The following PIK3CD variants were observed in gnomAD, a reference collection of about 807,000 sequenced individuals.
PIK3CD encodes the protein phosphatidylinositol-4,5-bisphosphate 3-kinase catalytic subunit delta.
A neutral mutation model predicts 122.9 loss-of-function variants in PIK3CD; 20 were observed. The ratio of observed to expected loss-of-function variants is 0.16; its 90% CI spans 0.11 to 0.24. The LOEUF (loss-of-function observed/expected upper bound fraction) is 0.24. Among genes scored for constraint, PIK3CD ranks in the 10% least tolerant of loss-of-function variants. The probability of loss-of-function intolerance (pLI) is 1.00; values close to 1 mark genes in which losing one functional copy is unlikely to be tolerated. For missense variants in PIK3CD, 787 were observed against 1,406.3 expected (o/e 0.56, Z 7.04); for synonymous variants, 596 against 593.4 (o/e 1.00, Z -0.06).
At position 9,710,842 on chromosome 1, in the gene PIK3CD, A is replaced by G. The variant is rs928083649; in HGVS notation, c.141+246A>G. Among the ~76,000 whole-genome samples, 10 of 152,194 alleles carry G rather than the reference A, an allele frequency of 6.6e-5. No individual in the cohort carries two copies. Among genetic ancestry groups the G allele is most frequent in the Non-Finnish European group, 1.3e-4 (9 of 67,990 alleles). Reference sequence around the variant, plus strand: ...CTCTTATTGCCCAGGCTGGTGTGCAATGGCGCAATCTCGGCTCACTGCAAC... The same window carrying G: ...CTCTTATTGCCCAGGCTGGTGTGCAGTGGCGCAATCTCGGCTCACTGCAAC... On this transcript the variant is annotated intron_variant, in intron 3 of 23. Coordinates refer to ENST00000377346, the MANE Select transcript of PIK3CD (RefSeq NM_005026.5). This position sits in a 1 kb window ranked among gnomAD's most constrained non-coding sequence, Gnocchi z 4.7.
intron 2 of PIK3CD, among the ~76,000 whole-genome samples, chr1:9,694,855 G>A (rs1354817142): frequency 6.6e-6 from 1 of 152,018 alleles, no homozygotes; most frequent in Admixed American, 6.6e-5. Context: ...CCAGCTACTT[G>A]GGAGGCTGAG....
intron 2 of PIK3CD, among the ~76,000 whole-genome samples, chr1:9,708,475 C>T (rs910716472): frequency 6.6e-6 from 1 of 152,162 alleles, no homozygotes; most frequent in Non-Finnish European, 1.5e-5. Flanking sequence ...GCCACCATGC[C>T]TGACCATGCG....
intron 1 of PIK3CD, among the ~76,000 whole-genome samples, chr1:9,662,096 C>T (rs959402345): frequency 2.5e-4 from 38 of 152,058 alleles, no homozygotes; most frequent in African/African-American, 8.0e-4. Context: ...ACCAGGGAGG[C>T]GGAGGTTGCA....
chr1:9,633,958 A>G, the PIK3CD span, among the ~76,000 whole-genome samples: 1 of 151,802 alleles, frequency 6.6e-6, no homozygotes, highest in Non-Finnish European at 1.5e-5. Context: ...TCCAGTTACT[A>G]GGCTCACAGA....
At chr1:9,707,061 C>T (rs1474418622) in intron 2 of PIK3CD, among the ~76,000 whole-genome samples, 2 of 151,300 alleles carry the variant, frequency 1.3e-5, no homozygotes, top group African/African-American at 2.4e-5. Flanking sequence ...GATCCTCCTA[C>T]CTTGGCCTCC....
chr1:9,628,330 C>T, the PIK3CD span, among the ~76,000 whole-genome samples: 6 of 152,168 alleles, frequency 3.9e-5, no homozygotes, highest in Non-Finnish European at 5.9e-5. Context: ...ATACTCTTAG[C>T]GCAGAAACAT....
Position 9,669,938 on chromosome 1 carries a change from C to T in PIK3CD, c.-138+18136C>T, listed in dbSNP as rs545359430. Among the ~76,000 whole-genome samples the T allele has an allele frequency of 4.5e-4, 69 of 152,152 alleles. 1 individual carries two copies. The Middle Eastern group carries it at 0.017, about 38-fold the overall frequency. On this transcript the variant is annotated intron_variant, in intron 1 of 23. Coordinates refer to ENST00000377346, the MANE Select transcript of PIK3CD (RefSeq NM_005026.5). ...CCTGTAATCCCAACACTTTGGGAGG[C>T]CAAAGCAGGTGGATTACCTGAGATC... is the stretch of plus-strand genomic sequence containing the variant.
intron 1 of PIK3CD, among the ~76,000 whole-genome samples, chr1:9,656,262 G>A (rs1453281383): frequency 6.6e-6 from 1 of 152,148 alleles, no homozygotes; most frequent in African/African-American, 2.4e-5. Flanking sequence ...ACCAGAAATG[G>A]GGTGGAGTTT....
In PIK3CD at chr1:9,691,897, T is replaced by C. The variant is rs1399733821; in HGVS notation, c.-33+326T>C. The stretch of plus-strand genomic sequence containing the variant: ...TTGACTCACACTGGCCACGGTAGCG[T>C]TGGACTCGCCTGACTGGGGAGAGAA... On this transcript the variant is annotated intron_variant, in intron 2 of 23. Coordinates refer to ENST00000377346, the MANE Select transcript of PIK3CD (RefSeq NM_005026.5). 5.8e-5 allele frequency: 13 copies of C among 225,940 alleles called. 1 individual carries two copies. The highest frequency in any genetic ancestry group is 1.8e-4 in the African/African-American group (8 of 44,194). 14.0% of individuals were successfully genotyped at this position (225,940 alleles called of 1,614,324 possible).
intron 1 of PIK3CD, among the ~76,000 whole-genome samples, chr1:9,671,346 A>G (rs921430805): frequency 6.6e-6 from 1 of 151,436 alleles, no homozygotes; most frequent in Non-Finnish European, 1.5e-5. Context: ...AGATCCACCC[A>G]CCTTGGCCTT....
the PIK3CD span, among the ~76,000 whole-genome samples, chr1:9,646,212 T>C: frequency 6.6e-6 from 1 of 152,164 alleles, no homozygotes; most frequent in African/African-American, 2.4e-5. Flanking sequence ...GAGCCTCAGT[T>C]TTCTCATCCG....
intron 2 of PIK3CD, among the ~76,000 whole-genome samples, chr1:9,697,142 T>TG (rs1379867349): frequency 2.0e-5 from 3 of 150,032 alleles, no homozygotes; most frequent in African/African-American, 7.4e-5. Context: ...GAGGCTAATG[T>TG]GGGGGGATCA....
At chr1:9,651,196 G>C (rs1018031071), upstream of PIK3CD, among the ~76,000 whole-genome samples, 7 of 152,178 alleles carry the variant, frequency 4.6e-5, no homozygotes, top group Admixed American at 4.6e-4. Flanking sequence ...CAGCTTTTCA[G>C]ATCTACTCCT....
chr1:9,721,709 A>T, intron 15 of PIK3CD, 52 bp from the exon 16 acceptor site: 3 of 1,605,730 alleles, frequency 1.9e-6, no homozygotes, highest in Non-Finnish European at 2.6e-6. Flanking sequence ...GCTGGGCGGG[A>T]GGGGCTGCGT....
At chr1:9,725,733 C>T (rs1332407367) in intron 23 of PIK3CD, among the ~76,000 whole-genome samples, 1 of 151,032 alleles carries the variant, frequency 6.6e-6, no homozygotes, top group Non-Finnish European at 1.5e-5. Flanking sequence ...AAAAATTAGT[C>T]AGGTGTGGTG....
intron 1 of PIK3CD, among the ~76,000 whole-genome samples, chr1:9,684,408 G>T (rs923445061): frequency 1.1e-4 from 16 of 151,446 alleles, no homozygotes; most frequent in Non-Finnish European, 1.6e-4. Flanking sequence ...ATGGTGGCAG[G>T]CCCCTGTAAT....
chr1:9,723,278 G>A lies in PIK3CD; in HGVS notation c.2580G>A (p.Lys860=), dbSNP rs1420529244. ...AGGATGCCCTGCTCAACTGGCTGAA[G>A]TCCAAGAACCCGGGGTGGGTTTCAG... ...FNKDALLNWL[K]SKNPGEALDR... is the part of the protein sequence containing the mutation. The change falls in exon 20 of 24, where the codon AAG becomes AAA. Residue 860 remains lysine, a synonymous_variant. Transcript: ENST00000377346. The surrounding 1 kb of genome is among the most constrained non-coding windows in gnomAD (Gnocchi z 4.9). 3 of 1,614,018 alleles carry A rather than the reference G, an allele frequency of 1.9e-6. No individual in the cohort carries two copies. The highest frequency in any genetic ancestry group is 1.1e-5 in the South Asian group (1 of 91,088).
At chr1:9,632,302 G>A in the PIK3CD span, among the ~76,000 whole-genome samples, 2 of 152,080 alleles carry the variant, frequency 1.3e-5, no homozygotes, top group African/African-American at 2.4e-5. Flanking sequence ...GTGAGCCACC[G>A]CACCTGGCTT....
intron 1 of PIK3CD, among the ~76,000 whole-genome samples, chr1:9,667,707 A>G (rs915559821): frequency 7.9e-5 from 12 of 151,102 alleles, no homozygotes; most frequent in African/African-American, 2.9e-4. Flanking sequence ...GCTCAGAGGT[A>G]ATTATTTAAA....
Sources: gnomAD v4.1 joint callset for allele counts (sites outside exome capture counted in the v4.1 genomes callset) on GRCh38, gnomAD v4.1.1 for gene constraint, Gnocchi (gnomAD v3.1) non-coding constraint, MANE v1.5 for transcripts, NCBI Gene and HGNC (gene_info 2026-07-23, HGNC 2026-07-21) for gene names.